MBOAT2: variants seen among roughly 807,000 people sequenced by gnomAD.
MBOAT2 encodes the protein membrane bound glycerophospholipid O-acyltransferase 2, also known as membrane-bound glycerophospholipid O-acyltransferase 2.
In MBOAT2, 28 loss-of-function variants were observed where a neutral mutation model predicts 63.4. The observed-to-expected ratio is 0.44, with a 90% CI of 0.33 to 0.61. MBOAT2 has a LOEUF of 0.61. MBOAT2 is among the 20% of genes least tolerant of loss of function. MBOAT2 has a pLI of 0.03. For synonymous variants in MBOAT2, 211 were observed against 215.6 expected, an observed-to-expected ratio of 0.98 and a Z score of 0.19; for missense variants, 470 against 605.8, an observed-to-expected ratio of 0.78 and a Z score of 2.35.
intron 6 of MBOAT2, among the ~76,000 whole-genome samples, chr2:8,880,339 G>C (rs1029489444): frequency 6.6e-6 from 1 of 152,198 alleles, no homozygotes; most frequent in Non-Finnish European, 1.5e-5. Flanking sequence ...TAAGAAAATG[G>C]AAGTCCCCCC....
intron 5 of MBOAT2, among the ~76,000 whole-genome samples, chr2:8,886,408 G>C (rs1663554927): frequency 6.6e-6 from 1 of 152,158 alleles, no homozygotes; most frequent in South Asian, 2.1e-4. Flanking sequence ...GAGTGGTCTT[G>C]GGGTCCCCCA....
chr2:8,905,652 T>C (rs1310151565), intron 4 of MBOAT2, among the ~76,000 whole-genome samples: 1 of 151,828 alleles, frequency 6.6e-6, no homozygotes, highest in Non-Finnish European at 1.5e-5. Flanking sequence ...CCAGGGCCTG[T>C]TGTGTGGTGG....
chr2:8,990,310 T>C (rs1163018897), intron 1 of MBOAT2, among the ~76,000 whole-genome samples: 1 of 152,172 alleles, frequency 6.6e-6, no homozygotes, highest in Admixed American at 6.5e-5. Flanking sequence ...AATCTGGAGA[T>C]AGAGACAAAA....
At chr2:8,869,343 G>A (rs1037653117) in intron 8 of MBOAT2, among the ~76,000 whole-genome samples, 4 of 151,334 alleles carry the variant, frequency 2.6e-5, no homozygotes, top group African/African-American at 7.3e-5. Flanking sequence ...TACCGCACCC[G>A]ACCCAGAATT....
At chr2:8,896,415 G>A (rs548168257) in intron 4 of MBOAT2, among the ~76,000 whole-genome samples, 11 of 121,274 alleles carry the variant, frequency 9.1e-5, no homozygotes, top group South Asian at 3.1e-4. Context: ...TCTAGGCCTC[G>A]GTGGTTTTGG....
At chr2:8,877,337 C>T (rs1662770385) in intron 6 of MBOAT2, 124 bp from the exon 7 acceptor site, 3 of 896,790 alleles carry the variant, frequency 3.3e-6, no homozygotes, top group East Asian at 2.7e-5. Flanking sequence ...TCATTTGTAC[C>T]CATACAATAA....
chr2:8,887,968 T>C (rs1374726210), intron 5 of MBOAT2, 50 bp downstream of exon 5: 1 of 1,522,168 alleles, frequency 6.6e-7, no homozygotes, highest in African/African-American at 1.4e-5. Flanking sequence ...AGCAAAAGAT[T>C]ATTGGAATTA....
At chr2:8,992,995 T>A (rs1354360861) in intron 1 of MBOAT2, among the ~76,000 whole-genome samples, 1 of 152,122 alleles carries the variant, frequency 6.6e-6, no homozygotes, top group Non-Finnish European at 1.5e-5. Context: ...GGGTGAGATA[T>A]CCCAAAGGAG....
At chr2:8,883,055 A>G (rs1663260040) in intron 5 of MBOAT2, among the ~76,000 whole-genome samples, 2 of 152,320 alleles carry the variant, frequency 1.3e-5, no homozygotes, top group East Asian at 3.9e-4. Flanking sequence ...TTCAAAGAGG[A>G]GGATATATTA....
chr2:8,897,300 T>C (rs566626876), intron 4 of MBOAT2, among the ~76,000 whole-genome samples: 19 of 152,278 alleles, frequency 1.2e-4, no homozygotes, highest in African/African-American at 4.1e-4. Flanking sequence ...CTGCTGCCTC[T>C]GCCAGCTGCT....
intron 7 of MBOAT2, 94 bp downstream of exon 7, chr2:8,876,936 G>C: frequency 8.0e-7 from 1 of 1,242,746 alleles, no homozygotes; most frequent in Non-Finnish European, 1.1e-6. Flanking sequence ...TAAAGAAACA[G>C]ATGGATAAGT....
intron 4 of MBOAT2, among the ~76,000 whole-genome samples, chr2:8,894,489 G>A (rs529985858): frequency 2.6e-5 from 4 of 152,338 alleles, no homozygotes; most frequent in South Asian, 2.1e-4. Context: ...CACAGTTGCT[G>A]GGCGCCATGT....
chr2:8,887,644 T>C (rs534743356), intron 5 of MBOAT2, among the ~76,000 whole-genome samples: 3 of 152,268 alleles, frequency 2.0e-5, no homozygotes, highest in Non-Finnish European at 2.9e-5. Flanking sequence ...TGTGTGTATA[T>C]CAAGGAGAAG....
At chr2:8,916,683 A>G (rs973313740) in intron 3 of MBOAT2, among the ~76,000 whole-genome samples, 1 of 152,368 alleles carries the variant, frequency 6.6e-6, no homozygotes, top group Middle Eastern at 3.4e-3. Flanking sequence ...ACACGATGAA[A>G]TCAAATTAAA....
At chr2:8,935,196 G>A (rs1356927133) in intron 3 of MBOAT2, among the ~76,000 whole-genome samples, 2 of 152,156 alleles carry the variant, frequency 1.3e-5, no homozygotes, top group African/African-American at 2.4e-5. Flanking sequence ...ACTACGGCAA[G>A]TCAACCCATC....
intron 3 of MBOAT2, among the ~76,000 whole-genome samples, chr2:8,941,408 C>T (rs1383937883): frequency 6.6e-6 from 1 of 152,170 alleles, no homozygotes; most frequent in Non-Finnish European, 1.5e-5. Context: ...GTCTCTAAAG[C>T]AGCACTATCC....
At chr2:8,986,204 C>T (rs1671552662) in intron 1 of MBOAT2, among the ~76,000 whole-genome samples, 1 of 128,614 alleles carries the variant, frequency 7.8e-6, no homozygotes, top group Admixed American at 8.2e-5. Flanking sequence ...CAGACAAGGT[C>T]ACCAAAAAAA....
intron 4 of MBOAT2, among the ~76,000 whole-genome samples, chr2:8,900,436 A>T (rs1664829136): frequency 6.6e-6 from 1 of 152,196 alleles, no homozygotes; most frequent in Admixed American, 6.5e-5. Context: ...CTATGTACCT[A>T]TCAGGATCAT....
At chr2:8,908,546 G>T in intron 4 of MBOAT2, 75 bp downstream of exon 4, 1 of 774,584 alleles carries the variant, frequency 1.3e-6, no homozygotes, top group South Asian at 1.7e-5. Flanking sequence ...ACTACTAAAT[G>T]CAAATATATT....
Sources: gnomAD v4.1 joint callset for allele counts (sites outside exome capture counted in the v4.1 genomes callset) on GRCh38, gnomAD v4.1.1 for gene constraint, MANE v1.5 for transcripts, NCBI Gene and HGNC (gene_info 2026-07-23, HGNC 2026-07-21) for gene names.